Variants in MAGI1 observed in about 807,000 individuals in gnomAD.
MAGI1 encodes membrane-associated guanylate kinase, WW and PDZ domain-containing protein 1.
In MAGI1, 58 loss-of-function variants were observed where a neutral mutation model predicts 139.9. The observed-to-expected ratio is 0.41, with a 90% CI of 0.34 to 0.52. The LOEUF (loss-of-function observed/expected upper bound fraction) is 0.52, where lower values mean the gene tolerates loss of function less well. Ranked by LOEUF, MAGI1 falls within the 20% of genes least tolerant of loss-of-function variation. MAGI1 has a pLI of 0.12. For synonymous variants in MAGI1, 812 were observed against 737.9 expected (o/e 1.10, Z -1.63); for missense variants, 1,874 against 1,901.6 (o/e 0.99, Z 0.27).
intron 1 of MAGI1, among the ~76,000 whole-genome samples, chr3:65,774,083 T>C (rs907065910): frequency 2.7e-5 from 4 of 146,922 alleles, no homozygotes; most frequent in South Asian, 2.2e-4. Flanking sequence ...TCTGTTTCCA[T>C]AGCCCCAGAT....
chr3:65,496,832 A>G (rs569325739), intron 2 of MAGI1, among the ~76,000 whole-genome samples: 8 of 152,328 alleles, frequency 5.3e-5, no homozygotes, highest in African/African-American at 1.4e-4. Flanking sequence ...TAAATTTTAA[A>G]AAGTATGTCA....
At chr3:65,697,795 T>C (rs1576783227) in intron 1 of MAGI1, among the ~76,000 whole-genome samples, 1 of 95,562 alleles carries the variant, frequency 1.0e-5, no homozygotes, top group East Asian at 3.3e-4. Flanking sequence ...ACTGGAAGCA[T>C]TCCCTTTGAA....
intron 1 of MAGI1, among the ~76,000 whole-genome samples, chr3:66,004,915 C>T (rs764477195): frequency 6.6e-6 from 1 of 152,148 alleles, no homozygotes; most frequent in Non-Finnish European, 1.5e-5. Flanking sequence ...CTACTCCTGG[C>T]AACAATTAGA....
chr3:65,397,112 A>G (rs1243252863), intron 13 of MAGI1, among the ~76,000 whole-genome samples: 2 of 152,170 alleles, frequency 1.3e-5, no homozygotes, highest in Non-Finnish European at 2.9e-5. Context: ...TACTACTCTC[A>G]CTGTTTCTTC....
intron 3 of MAGI1, among the ~76,000 whole-genome samples, chr3:65,490,065 G>A (rs1218298339): frequency 4.6e-5 from 7 of 152,110 alleles, no homozygotes; most frequent in Admixed American, 1.3e-4. Context: ...CAAATCTGCT[G>A]GTTTACTGAC....
intron 1 of MAGI1, among the ~76,000 whole-genome samples, chr3:65,694,704 G>A (rs1055717030): frequency 6.6e-6 from 1 of 152,196 alleles, no homozygotes; most frequent in Non-Finnish European, 1.5e-5. Flanking sequence ...CACCTAACTT[G>A]TACTCCTGTG....
chr3:65,637,096 A>G (rs76410267), intron 1 of MAGI1, among the ~76,000 whole-genome samples: 120 of 152,316 alleles, frequency 7.9e-4, no homozygotes, highest in African/African-American at 2.8e-3. Flanking sequence ...AACTAAATGC[A>G]TGGTGTATTC....
At chr3:65,823,905 C>T (rs1365385015) in intron 1 of MAGI1, among the ~76,000 whole-genome samples, 1 of 152,120 alleles carries the variant, frequency 6.6e-6, no homozygotes, top group Non-Finnish European at 1.5e-5. Flanking sequence ...CACTGGACTC[C>T]AGAATTTAAG....
At chr3:65,786,127 T>C (rs1455978652) in intron 1 of MAGI1, among the ~76,000 whole-genome samples, 3 of 151,864 alleles carry the variant, frequency 2.0e-5, no homozygotes, top group Non-Finnish European at 4.4e-5. Context: ...GGCTAATTTT[T>C]ATATTTTTAG....
chr3:65,745,762 C>A (rs550468771), intron 1 of MAGI1, among the ~76,000 whole-genome samples: 1 of 152,340 alleles, frequency 6.6e-6, no homozygotes, highest in Admixed American at 6.5e-5. Flanking sequence ...TAGAGTCTCG[C>A]TCTGTGGCCC....
In MAGI1 at chr3:65,478,654, C is replaced by T. The variant is rs748822385; in HGVS notation, c.695G>A (p.Gly232Asp). ...CTCCTCATTCTCCGCGTGGACTATGCCAGCATTTTGCATATCATTGTAGGA... is the reference window on the plus strand; with the variant it reads ...CTCCTCATTCTCCGCGTGGACTATGTCAGCATTTTGCATATCATTGTAGGA... The part of the protein sequence containing the change: ...TKSYNDMQNA[G>D]IVHAENEEED... Residue 232 changes from glycine to aspartate, a missense_variant, in exon 4 of 23, where the codon GGC becomes GAC. Gly to Asp is a moderately conservative substitution (Grantham distance 94). This residue lies in a region of MAGI1 where 648 missense variants were observed against 598.1 expected (regional missense o/e 1.08). Transcript: ENST00000402939. 2 of 1,614,074 alleles carry T rather than the reference C, an allele frequency of 1.2e-6. No homozygotes were observed. The highest frequency in any genetic ancestry group is 2.2e-5 in the East Asian group (1 of 44,870).
rs75562181 is a variant in MAGI1, at chr3:65,546,276, C to G, written c.431-52645G>C. Among the ~76,000 whole-genome samples the G allele has an allele frequency of 5.5e-3, 843 of 152,202 alleles. 6 individuals are homozygous for G. The highest frequency in any genetic ancestry group is 0.019 in the African/African-American group (802 of 41,518). Reference sequence around the variant, plus strand: ...GTCAAAACAGACAAAACTCTTGCCCCCATGGAGGTGGTATCTCAGTGGGCC... The same window carrying G: ...GTCAAAACAGACAAAACTCTTGCCCGCATGGAGGTGGTATCTCAGTGGGCC... On this transcript the variant is annotated intron_variant, in intron 2 of 22. Transcript: ENST00000402939.
intron 1 of MAGI1, among the ~76,000 whole-genome samples, chr3:65,663,930 A>G (rs1243013893): frequency 6.6e-6 from 1 of 152,214 alleles, no homozygotes; most frequent in African/African-American, 2.4e-5. Context: ...AAGGAATGAT[A>G]GTTACAGTTA....
At chr3:65,756,351 T>C (rs2036565358) in intron 1 of MAGI1, among the ~76,000 whole-genome samples, 1 of 152,172 alleles carries the variant, frequency 6.6e-6, no homozygotes, top group South Asian at 2.1e-4. Context: ...TCACAAGTGA[T>C]GGGGATCTAA....
At chr3:65,413,120 C>G (rs1023850149) in intron 12 of MAGI1, among the ~76,000 whole-genome samples, 7 of 152,150 alleles carry the variant, frequency 4.6e-5, no homozygotes, top group Non-Finnish European at 1.0e-4. Context: ...AGGGCAAATC[C>G]ATGAATCTCT....
chr3:65,458,604 T>C (rs558721110), intron 5 of MAGI1, among the ~76,000 whole-genome samples: 2 of 152,186 alleles, frequency 1.3e-5, no homozygotes, highest in South Asian at 4.1e-4. Context: ...CCATCTGGAG[T>C]CTTCTTTTGA....
At chr3:65,688,096 C>G (rs1014909765) in intron 1 of MAGI1, 1 of 762,258 alleles carries the variant, frequency 1.3e-6, no homozygotes, top group South Asian at 1.3e-5. Context: ...GCCCTGAACA[C>G]TGCACATAGG....
At chr3:65,831,670 T>C (rs1373194081) in intron 1 of MAGI1, among the ~76,000 whole-genome samples, 2 of 152,168 alleles carry the variant, frequency 1.3e-5, no homozygotes, top group East Asian at 1.9e-4. Flanking sequence ...AGGAAACTCA[T>C]GAGGCCAAAA....
In MAGI1 at chr3:65,978,641, T is replaced by C. The variant is rs537419427; in HGVS notation, c.313+59355A>G. Among the ~76,000 whole-genome samples the C allele has an allele frequency of 2.4e-4, 30 of 125,872 alleles. No individual in the cohort carries two copies. In the East Asian group the frequency reaches 5.8e-3, roughly 24 times the overall value. 82.6% of individuals were successfully genotyped at this position (125,872 alleles called of 152,430 possible). ...AATTTCTTTTTTTTTTTTTTTTTTC[T>C]TTTTGAGATGGAGTTTCACTCTTGT... On this transcript the variant is annotated intron_variant, in intron 1 of 22. Coordinates refer to ENST00000402939, the MANE Select transcript of MAGI1 (RefSeq NM_001033057.2).
Sources: gnomAD v4.1 joint callset for allele counts (sites outside exome capture counted in the v4.1 genomes callset) on GRCh38, gnomAD v4.1.1 for gene constraint, gnomAD v4.1.1 regional missense constraint, MANE v1.5 for transcripts, NCBI Gene and HGNC (gene_info 2026-07-23, HGNC 2026-07-21) for gene names.